The following C11orf65 variants were observed in gnomAD, a reference collection of about 807,000 sequenced individuals.
C11orf65 encodes chromosome 11 open reading frame 65, also known as protein MFI.
Under a neutral mutation model 35.3 loss-of-function variants are expected in C11orf65, and 38 were observed. The observed-to-expected ratio is 1.08, with a 90% CI of 0.83 to 1.41. The LOEUF (loss-of-function observed/expected upper bound fraction) is 1.41. Ranked by LOEUF, C11orf65 falls within the 40% of genes most tolerant of loss-of-function variation. The probability of loss-of-function intolerance (pLI) is 0.00; values close to 1 mark genes in which losing one functional copy is unlikely to be tolerated. For missense variants in C11orf65, 370 were observed against 367.1 expected, an observed-to-expected ratio of 1.01 and a Z score of -0.06; for synonymous variants, 105 against 114.4, an observed-to-expected ratio of 0.92 and a Z score of 0.53.
chr11:108,348,435 A>C (rs896719100), intron 2 of C11orf65, among the ~76,000 whole-genome samples: 1 of 150,920 alleles, frequency 6.6e-6, no homozygotes, highest in Non-Finnish European at 1.5e-5. Flanking sequence ...ATATATAAGA[A>C]AGAAAGAATA....
chr11:108,356,540 TA>T (rs374615780), intron 2 of C11orf65, among the ~76,000 whole-genome samples: 5,434 of 97,744 alleles, frequency 0.056, 190 homozygotes, highest in African/African-American at 0.13. Context: ...CTGTCTGTCT[TA>T]AAAAAAAAAA....
At chr11:108,437,625 A>C (rs1371528996) in intron 2 of C11orf65, among the ~76,000 whole-genome samples, 1 of 145,098 alleles carries the variant, frequency 6.9e-6, no homozygotes, top group African/African-American at 2.6e-5. Flanking sequence ...AATCGCTTGA[A>C]TCCGGGAGGC....
intron 2 of C11orf65, among the ~76,000 whole-genome samples, chr11:108,454,860 T>C (rs1388853045): frequency 1.3e-5 from 2 of 152,222 alleles, no homozygotes; most frequent in Non-Finnish European, 2.9e-5. Flanking sequence ...ATTGTTTTTC[T>C]AGTTTTTATT....
chr11:108,345,597 C>A lies in C11orf65; in HGVS notation c.227-10305G>T, dbSNP rs1334572062. The A allele has an allele frequency of 9.2e-6, 6 of 655,588 alleles. No individual in the cohort carries two copies. The Admixed American group carries it at 1.6e-4, about 18-fold the overall frequency. The allele number at this position is 655,588 out of a possible 1,614,324, so 40.6% of individuals were successfully genotyped here. A position where few individuals can be genotyped will look rare whatever the true frequency, so the allele number is the denominator to read the frequency against. On this transcript the variant is annotated intron_variant, in intron 2 of 3. Transcript: ENST00000524755. ...TTATCACTTGTAATTAATTGCTTCC[C>A]TGTCCAGACTGTTAGCTTCTTGTAG...
chr11:108,412,248 C>A (rs997706033), intron 3 of C11orf65, among the ~76,000 whole-genome samples: 1 of 151,162 alleles, frequency 6.6e-6, no homozygotes, highest in Non-Finnish European at 1.5e-5. Context: ...AAAACATACA[C>A]ATGAAATCGT....
chr11:108,392,402 A>G (rs887403518), intron 7 of C11orf65, among the ~76,000 whole-genome samples: 1 of 128,800 alleles, frequency 7.8e-6, no homozygotes, highest in Admixed American at 8.6e-5. Flanking sequence ...TCATTTAGCC[A>G]TTCGTCAGCT....
intron 7 of C11orf65, among the ~76,000 whole-genome samples, chr11:108,388,524 A>G (rs1456862476): frequency 6.6e-6 from 1 of 152,216 alleles, no homozygotes; most frequent in South Asian, 2.1e-4. Context: ...CTAGCCAGAG[A>G]GGTCACAAAA....
rs186010579 is a variant in C11orf65, at chr11:108,450,750, T to C, written c.81+10729A>G. ...GTAAGAAACCTGCACATTGTGCACA[T>C]GTACCCTAAAACTTAAAGTATAATA... is the stretch of plus-strand genomic sequence containing the variant. On this transcript the variant is annotated intron_variant, in intron 2 of 8. Transcript: ENST00000393084. 6.6e-4 allele frequency among the ~76,000 whole-genome samples: 100 copies of C among 151,754 alleles called. No individual in the cohort carries two copies. In the East Asian group the frequency reaches 0.018, roughly 28 times the overall value.
intron 2 of C11orf65, among the ~76,000 whole-genome samples, chr11:108,437,765 C>T (rs1318769441): frequency 2.2e-5 from 3 of 137,492 alleles, no homozygotes; most frequent in South Asian, 2.3e-4. Flanking sequence ...CGGAAAAACA[C>T]CCCACATTCA....
chr11:108,375,318 A>G (rs227085), intron 2 of C11orf65, among the ~76,000 whole-genome samples: 80,767 of 150,824 alleles, frequency 0.54, 22,266 homozygotes, highest in Middle Eastern at 0.74. Flanking sequence ...AGAAGAGAGT[A>G]GGGGCCAATA....
rs1178661659 is a variant in C11orf65, at chr11:108,343,291, CTTG to C, written c.227-8002_227-8000del. The C allele has an allele frequency of 6.2e-7, 1 of 1,613,838 alleles. No homozygotes were observed. The highest frequency in any genetic ancestry group is 1.7e-5 in the Admixed American group (1 of 59,978). On this transcript the variant is annotated intron_variant, in intron 2 of 3. Transcript: ENST00000524755. ...AGGAACTGTCCCCATTGGTGAATTT[CTTG>C]TTAACAATGAAGATGGTGCTCATAA...
At chr11:108,443,777 C>G (rs189688262) in intron 2 of C11orf65, among the ~76,000 whole-genome samples, 2 of 152,140 alleles carry the variant, frequency 1.3e-5, no homozygotes, top group East Asian at 3.9e-4. Flanking sequence ...CCAACCAGAA[C>G]AAAGACACAA....
chr11:108,430,890 G>A (rs2135417626), intron 3 of C11orf65, among the ~76,000 whole-genome samples: 2 of 122,514 alleles, frequency 1.6e-5, no homozygotes, highest in Middle Eastern at 8.6e-3. Flanking sequence ...AACCCATAAG[G>A]ATAGGGAACA....
downstream of C11orf65, among the ~76,000 whole-genome samples, chr11:108,327,021 T>G (rs1267005079): frequency 1.3e-5 from 2 of 151,988 alleles, no homozygotes; most frequent in Non-Finnish European, 2.9e-5. Context: ...AGAGATGGGG[T>G]TTCACCATGT....
At chr11:108,411,816 C>T (rs1254799197) in intron 3 of C11orf65, among the ~76,000 whole-genome samples, 2 of 148,236 alleles carry the variant, frequency 1.3e-5, no homozygotes, top group African/African-American at 2.5e-5. Context: ...GAGATGGAGT[C>T]TCGCTCTGTC....
intron 2 of C11orf65, among the ~76,000 whole-genome samples, chr11:108,376,213 T>C (rs2091721017): frequency 6.6e-6 from 1 of 151,984 alleles, no homozygotes; most frequent in East Asian, 1.9e-4. Flanking sequence ...TATTCCAAAA[T>C]TGACCACATA....
At position 108,385,932 on chromosome 11, in the gene C11orf65, C is replaced by T. The variant is rs770278864; in HGVS notation, c.775G>A (p.Ala259Thr). 1.3e-5 allele frequency: 21 copies of T among 1,613,652 alleles called. No homozygotes were observed. Among genetic ancestry groups the T allele is most frequent in the Non-Finnish European group, 1.8e-5 (21 of 1,179,824 alleles). Reference sequence around the variant, plus strand: ...AAAAATCACCTACCTTTGAAGTTAGCCGAAGAGTTGCTTGTAGCAATTTCC... The same window carrying T: ...AAAAATCACCTACCTTTGAAGTTAGTCGAAGAGTTGCTTGTAGCAATTTCC... ...WKEIATSNSS[A>T]NFKGFRFNQA... Residue 259 changes from alanine to threonine, a missense_variant, in exon 8 of 9, where the codon GCT (alanine) becomes ACT (threonine). Ala to Thr is a moderately conservative substitution (Grantham distance 58). Transcript: ENST00000393084.
chr11:108,357,513 C>G (rs920280835), intron 2 of C11orf65, among the ~76,000 whole-genome samples: 3 of 152,204 alleles, frequency 2.0e-5, no homozygotes, highest in Non-Finnish European at 4.4e-5. Flanking sequence ...AACAAAAAGA[C>G]AGCAGTAACC....
chr11:108,405,560 C>G lies in C11orf65; in HGVS notation c.430-1G>C. 1 of 1,610,260 alleles carries G rather than the reference C, an allele frequency of 6.2e-7. No individual in the cohort carries two copies. On this transcript the variant is annotated splice_acceptor_variant, in intron 5 of 8. Coordinates refer to ENST00000393084, the MANE Select transcript of C11orf65 (RefSeq NM_152587.5). LOFTEE classifies it high-confidence loss of function. ...CCATACCATCAGTAGATAGCCAAAACTATTGAGAAACAAAAATGAACATAC... is the reference window on the plus strand; with the variant it reads ...CCATACCATCAGTAGATAGCCAAAAGTATTGAGAAACAAAAATGAACATAC...
Sources: gnomAD v4.1 joint callset for allele counts (sites outside exome capture counted in the v4.1 genomes callset) on GRCh38, gnomAD v4.1.1 for gene constraint, MANE v1.5 for transcripts, NCBI Gene and HGNC (gene_info 2026-07-23, HGNC 2026-07-21) for gene names.